Variants in MYO18B observed in about 807,000 individuals in gnomAD.
MYO18B encodes myosin XVIIIB.
In MYO18B, 204 loss-of-function variants were observed where a neutral mutation model predicts 273.0. The observed-to-expected ratio is 0.75, with a 90% CI of 0.67 to 0.84. MYO18B has a LOEUF of 0.84. Among genes scored for constraint, MYO18B ranks in the 40% least tolerant of loss-of-function variants. The probability of loss-of-function intolerance (pLI) is 0.00; values close to 1 mark genes in which losing one functional copy is unlikely to be tolerated. For synonymous variants in MYO18B, 1,330 were observed against 1,305.7 expected (o/e 1.02, Z -0.40); for missense variants, 3,212 against 3,287.6 (o/e 0.98, Z 0.56).
chr22:26,049,726 G>T, the MYO18B span, among the ~76,000 whole-genome samples: 15 of 152,168 alleles, frequency 9.9e-5, no homozygotes, highest in Admixed American at 3.9e-4. Context: ...ACTGGGCCGG[G>T]ACTCCAGAGG....
intron 41 of MYO18B, 21 bp downstream of exon 41, chr22:26,003,330 A>T (rs752388140): frequency 6.3e-7 from 1 of 1,598,662 alleles, no homozygotes; most frequent in Admixed American, 1.7e-5. Flanking sequence ...CCCAGGTAGA[A>T]CTGAGCAGCT....
At chr22:25,925,424 C>T (rs998816300) in intron 34 of MYO18B, among the ~76,000 whole-genome samples, 2 of 152,168 alleles carry the variant, frequency 1.3e-5, no homozygotes, top group Non-Finnish European at 2.9e-5. Flanking sequence ...TGTGACAGAT[C>T]TTATTTCCCC....
rs1047789553 is a variant in MYO18B, at chr22:26,021,084, G to A, written c.6471-5361G>A. ...AGCCTGGGTGATAGAGCAAGACTCC[G>A]TCTCAAAAAATAAAGAAAAGAAAAA... On this transcript the variant is annotated intron_variant, in intron 42 of 43. Transcript: ENST00000335473. 1.1e-4 allele frequency among the ~76,000 whole-genome samples: 17 copies of A among 152,064 alleles called. No individual in the cohort carries two copies. The East Asian group carries it at 2.1e-3, about 19-fold the overall frequency.
chr22:25,871,558 T>C (rs1016486701), intron 22 of MYO18B, among the ~76,000 whole-genome samples: 3 of 152,138 alleles, frequency 2.0e-5, no homozygotes, highest in African/African-American at 7.2e-5. Context: ...GTTTGCGTGG[T>C]TTTGTCCCCC....
intron 33 of MYO18B, among the ~76,000 whole-genome samples, chr22:25,916,102 C>A (rs1004634459): frequency 4.6e-5 from 7 of 152,118 alleles, no homozygotes; most frequent in Non-Finnish European, 7.4e-5. Context: ...TTTATTATTT[C>A]ATCTAATTTT....
At chr22:25,908,944 T>C (rs1302383775) in intron 32 of MYO18B, among the ~76,000 whole-genome samples, 1 of 152,240 alleles carries the variant, frequency 6.6e-6, no homozygotes, top group Non-Finnish European at 1.5e-5. Flanking sequence ...AGAGATATCA[T>C]TTTCACTAAA....
chr22:25,975,711 A>G (rs1217840113), intron 39 of MYO18B, among the ~76,000 whole-genome samples: 2 of 151,962 alleles, frequency 1.3e-5, no homozygotes, highest in East Asian at 3.9e-4. Flanking sequence ...TACACAGATC[A>G]CCCGGGGATA....
At chr22:25,987,951 TC>T (rs1284632275) in intron 39 of MYO18B, among the ~76,000 whole-genome samples, 6 of 152,074 alleles carry the variant, frequency 3.9e-5, no homozygotes, top group African/African-American at 9.7e-5. Flanking sequence ...ATCCCCCACC[TC>T]CCAATTTCTC....
intron 20 of MYO18B, 65 bp downstream of exon 20, chr22:25,847,717 C>A: frequency 7.8e-7 from 1 of 1,276,240 alleles, no homozygotes; most frequent in Non-Finnish European, 1.1e-6. Context: ...CCACCAGTGG[C>A]AGCCAAGGGA....
In MYO18B at chr22:25,950,345, AT is replaced by A. The variant is rs10600754; in HGVS notation, c.5749-11del. 927,032 of 1,400,562 alleles carry A rather than the reference AT, an allele frequency of 0.66. 291,540 individuals are homozygous for A. Among genetic ancestry groups the A allele is most frequent in the Non-Finnish European group, 0.7 (722,349 of 1,034,472 alleles). The allele number at this position is 1,400,562 out of a possible 1,614,324, so 86.8% of individuals were successfully genotyped here. A position where few individuals can be genotyped will look rare whatever the true frequency, so the allele number is the denominator to read the frequency against. ...TGTGGACTCAGGGTGATATATATAC[AT>A]TTTTTTTTTTGTCTCACCAGTCTGC... On this transcript the variant is annotated intron_variant, in intron 36 of 43. Transcript: ENST00000335473.
At chr22:25,814,338 G>T (rs368001679) in intron 12 of MYO18B, among the ~76,000 whole-genome samples, 14 of 32,172 alleles carry the variant, frequency 4.4e-4, no homozygotes, top group Non-Finnish European at 8.5e-4. Context: ...TTTTTTTTTT[G>T]AGACAGAGTT....
chr22:25,812,778 G>A (rs1478341265), intron 12 of MYO18B, among the ~76,000 whole-genome samples: 1 of 152,206 alleles, frequency 6.6e-6, no homozygotes, highest in Non-Finnish European at 1.5e-5. Context: ...GGGCTGGAAA[G>A]GGACTTGGAC....
chr22:25,800,620 C>A (rs1396014959), intron 12 of MYO18B, among the ~76,000 whole-genome samples: 1 of 152,208 alleles, frequency 6.6e-6, no homozygotes, highest in Non-Finnish European at 1.5e-5. Flanking sequence ...GCTGGGGACC[C>A]CTGGGAGACT....
chr22:25,869,449 C>CAAAAAAA (rs58609325), intron 22 of MYO18B, among the ~76,000 whole-genome samples: 8 of 58,090 alleles, frequency 1.4e-4, no homozygotes, highest in East Asian at 1.1e-3. Context: ...TACTGTGTCT[C>CAAAAAAA]AAAAAAAAAA....
chr22:25,785,363 C>T (rs2087337214), intron 10 of MYO18B, 65 bp from the exon 11 acceptor site: 12 of 1,500,402 alleles, frequency 8.0e-6, no homozygotes, highest in Admixed American at 1.9e-5. Context: ...ACTGTGACGA[C>T]CACCTGCCCT....
At chr22:25,782,673 C>A (rs1214628987) in intron 10 of MYO18B, among the ~76,000 whole-genome samples, 1 of 152,174 alleles carries the variant, frequency 6.6e-6, no homozygotes, top group African/African-American at 2.4e-5. Flanking sequence ...TTACTGTGCT[C>A]TAACCTCACC....
chr22:25,815,776 A>G lies in MYO18B; in HGVS notation c.2522-7729A>G, dbSNP rs151160893. Among the ~76,000 whole-genome samples the G allele has an allele frequency of 4.5e-3, 683 of 152,288 alleles. 3 individuals are homozygous for G. Among genetic ancestry groups the G allele is most frequent in the Middle Eastern group, 0.01 (3 of 294 alleles). ...TATTCAAGGTTCTGACAAGTCCTGC[A>G]AGAGGGAAACCTGTTTTGCTGAGTT... On this transcript the variant is annotated intron_variant, in intron 12 of 43. Transcript: ENST00000335473.
rs1003625757 is a variant in MYO18B at position 25,743,742 on chromosome 22, C to G, written c.-110+1449C>G. Among the ~76,000 whole-genome samples the G allele has an allele frequency of 2.6e-5, 4 of 152,122 alleles. No individual in the cohort carries two copies. In the East Asian group the frequency reaches 5.8e-4, roughly 22 times the overall value. On this transcript the variant is annotated intron_variant, in intron 1 of 43. Coordinates refer to ENST00000335473, the MANE Select transcript of MYO18B (RefSeq NM_032608.7). ...CACCTTGAATATCCTGGTGTGGGCT[C>G]TGTAACCTTGGATGAGTACTCTCCC...
At chr22:25,797,715 G>A (rs116503383) in intron 11 of MYO18B, among the ~76,000 whole-genome samples, 4 of 152,162 alleles carry the variant, frequency 2.6e-5, no homozygotes, top group African/African-American at 9.7e-5. Context: ...TGTAATGCGT[G>A]CACACATGAA....
Sources: gnomAD v4.1 joint callset for allele counts (sites outside exome capture counted in the v4.1 genomes callset) on GRCh38, gnomAD v4.1.1 for gene constraint, MANE v1.5 for transcripts, NCBI Gene and HGNC (gene_info 2026-07-23, HGNC 2026-07-21) for gene names.